LYN: variants seen among roughly 807,000 people sequenced by gnomAD.
The protein encoded by LYN is tyrosine-protein kinase Lyn.
A neutral mutation model predicts 65.0 loss-of-function variants in LYN; 12 were observed. The ratio of observed to expected loss-of-function variants is 0.18; its 90% CI spans 0.12 to 0.30. The LOEUF is 0.30. Ranked by LOEUF, LYN falls within the 10% of genes least tolerant of loss-of-function variation. LYN has a pLI of 1.00. For missense variants in LYN, 380 were observed against 623.2 expected, an observed-to-expected ratio of 0.61 and a Z score of 4.16; for synonymous variants, 222 against 221.2, an observed-to-expected ratio of 1.00 and a Z score of -0.03.
At chr8:55,922,522 C>A (rs1437094071) in intron 1 of LYN, among the ~76,000 whole-genome samples, 1 of 152,110 alleles carries the variant, frequency 6.6e-6, no homozygotes, top group South Asian at 2.1e-4. Context: ...TGCCTATAAT[C>A]CCAGCACTTT....
intron 1 of LYN, chr8:55,893,722 A>T (rs760621957): frequency 6.6e-6 from 1 of 152,208 alleles, no homozygotes; most frequent in Non-Finnish European, 1.5e-5. Flanking sequence ...ACTGTTCCAG[A>T]TATACTCAGA....
intron 1 of LYN, among the ~76,000 whole-genome samples, chr8:55,904,624 C>G (rs774986532): frequency 2.0e-5 from 3 of 152,132 alleles, no homozygotes; most frequent in African/African-American, 7.2e-5. Flanking sequence ...GTGGCTCATG[C>G]CTGTAATCCC....
chr8:55,935,260 A>G lies in LYN; in HGVS notation c.-5-6595A>G, dbSNP rs73682020. Among the ~76,000 whole-genome samples, 462 of 152,336 alleles carry G rather than the reference A, an allele frequency of 3.0e-3. 3 individuals are homozygous for G. The highest frequency in any genetic ancestry group is 0.014 in the Middle Eastern group (4 of 294). Reference sequence around the variant, plus strand: ...CTGAAAAAGCCTTAAGTAGGGCCTTATGTTGCAGGCTGGTCAGATAGAGAA... The same window carrying G: ...CTGAAAAAGCCTTAAGTAGGGCCTTGTGTTGCAGGCTGGTCAGATAGAGAA... On this transcript the variant is annotated intron_variant, in intron 1 of 12. Transcript: ENST00000519728.
intron 12 of LYN, among the ~76,000 whole-genome samples, chr8:56,007,177 A>T (rs763463666): frequency 1.3e-5 from 2 of 152,254 alleles, no homozygotes; most frequent in Non-Finnish European, 2.9e-5. Context: ...GAAGTGAAAG[A>T]GATATTCCAA....
chr8:55,999,602 G>A (rs1808461723), intron 12 of LYN, 53 bp downstream of exon 12: 3 of 1,568,514 alleles, frequency 1.9e-6, no homozygotes, highest in Non-Finnish European at 2.6e-6. Context: ...GAAAAAGTCA[G>A]GTTGCATGAA....
intron 1 of LYN, among the ~76,000 whole-genome samples, chr8:55,938,405 A>G (rs772418308): frequency 1.5e-4 from 23 of 152,360 alleles, no homozygotes; most frequent in Non-Finnish European, 2.2e-4. Context: ...CATCATCCAC[A>G]GCACTTGATA....
At chr8:55,916,004 A>G (rs1351739147) in intron 1 of LYN, among the ~76,000 whole-genome samples, 2 of 152,198 alleles carry the variant, frequency 1.3e-5, no homozygotes, top group Admixed American at 6.5e-5. Flanking sequence ...TAATATTTTA[A>G]AGGGTAGCCA....
intron 1 of LYN, among the ~76,000 whole-genome samples, chr8:55,893,160 C>A: frequency 6.6e-6 from 1 of 152,310 alleles, no homozygotes; most frequent in Non-Finnish European, 1.5e-5. Context: ...TCCTGTTTTA[C>A]CCTGGCGATT....
intron 1 of LYN, among the ~76,000 whole-genome samples, chr8:55,909,195 T>C (rs1425690011): frequency 1.3e-5 from 2 of 152,036 alleles, no homozygotes; most frequent in African/African-American, 4.8e-5. Flanking sequence ...GGACCCAGAA[T>C]CCAGGTTCCC....
chr8:56,000,986 A>C (rs1054009368), intron 12 of LYN, among the ~76,000 whole-genome samples: 4 of 152,130 alleles, frequency 2.6e-5, no homozygotes, highest in Non-Finnish European at 5.9e-5. Flanking sequence ...ACACACAGCC[A>C]TCCTGTAGGG....
chr8:55,917,635 G>A (rs1023419093), intron 1 of LYN, among the ~76,000 whole-genome samples: 1 of 152,158 alleles, frequency 6.6e-6, no homozygotes, highest in East Asian at 1.9e-4. Flanking sequence ...GCTCCTACTG[G>A]GTGTCCTCCA....
intron 8 of LYN, among the ~76,000 whole-genome samples, chr8:55,965,475 C>T (rs1426547327): frequency 1.3e-5 from 2 of 152,144 alleles, no homozygotes; most frequent in Non-Finnish European, 1.5e-5. Context: ...GCTTGTTTGA[C>T]TCTAGCATAT....
intron 10 of LYN, among the ~76,000 whole-genome samples, chr8:55,997,038 G>A (rs902550599): frequency 6.6e-6 from 1 of 151,978 alleles, no homozygotes; most frequent in Admixed American, 6.6e-5. Context: ...GTGCGTGCCT[G>A]TAATCCCAGC....
chr8:55,941,113 G>A (rs1473075), intron 1 of LYN, among the ~76,000 whole-genome samples: 1 of 152,072 alleles, frequency 6.6e-6, no homozygotes. Context: ...CCTATGTTTA[G>A]CTGGAGCCAG....
intron 1 of LYN, among the ~76,000 whole-genome samples, chr8:55,904,504 G>C (rs914257950): frequency 1.3e-5 from 2 of 152,018 alleles, no homozygotes; most frequent in Non-Finnish European, 2.9e-5. Flanking sequence ...ATAAATTCCA[G>C]TCCCCACCCT....
intron 8 of LYN, among the ~76,000 whole-genome samples, chr8:55,956,349 GA>G (rs915452846): frequency 2.0e-5 from 3 of 152,130 alleles, no homozygotes; most frequent in African/African-American, 7.2e-5. Flanking sequence ...TGAGTTTTGT[GA>G]AGAGTGTTTA....
At chr8:55,976,964 C>T (rs773559286) in intron 10 of LYN, among the ~76,000 whole-genome samples, 2 of 152,036 alleles carry the variant, frequency 1.3e-5, no homozygotes, top group Non-Finnish European at 2.9e-5. Context: ...GTGGGTGGAT[C>T]ACCTGAGGTC....
chr8:55,988,373 G>A (rs367661290), intron 10 of LYN, among the ~76,000 whole-genome samples: 2 of 147,388 alleles, frequency 1.4e-5, no homozygotes, highest in African/African-American at 5.1e-5. Context: ...GGTCTTTTTA[G>A]GTCAGTTTGG....
At position 55,900,080 on chromosome 8, in the gene LYN, T is replaced by C. The variant is rs1268556361; in HGVS notation, c.-6+19977T>C. Among the ~76,000 whole-genome samples the C allele has an allele frequency of 2.6e-5, 4 of 152,274 alleles. No individual in the cohort carries two copies. The East Asian group carries it at 7.7e-4, about 29-fold the overall frequency. The stretch of plus-strand genomic sequence containing the variant: ...CTCCAGGAATCTAATGCGCTGCCAC[T>C]CGAACTTCAGGAAGACAAGAGCTCA... On this transcript the variant is annotated intron_variant, in intron 1 of 12. Coordinates refer to ENST00000519728, the MANE Select transcript of LYN (RefSeq NM_002350.4).
Sources: gnomAD v4.1 joint callset for allele counts (sites outside exome capture counted in the v4.1 genomes callset) on GRCh38, gnomAD v4.1.1 for gene constraint, MANE v1.5 for transcripts, NCBI Gene and HGNC (gene_info 2026-07-23, HGNC 2026-07-21) for gene names.